Variants in MDGA2 observed in about 807,000 individuals in gnomAD.
MDGA2 encodes MAM domain-containing glycosylphosphatidylinositol anchor protein 2.
Under a neutral mutation model 117.8 loss-of-function variants are expected in MDGA2, and 40 were observed. That is an observed-to-expected ratio of 0.34 (90% CI 0.26 to 0.44). The LOEUF (loss-of-function observed/expected upper bound fraction) is 0.44, where lower values mean the gene tolerates loss of function less well. Ranked by LOEUF, MDGA2 falls within the 20% of genes least tolerant of loss-of-function variation. The probability of loss-of-function intolerance (pLI) is 1.00; values close to 1 mark genes in which losing one functional copy is unlikely to be tolerated. For missense variants in MDGA2, 1,123 were observed against 1,250.6 expected (o/e 0.90, Z 1.54); for synonymous variants, 452 against 439.0 (o/e 1.03, Z -0.37).
intron 8 of MDGA2, among the ~76,000 whole-genome samples, chr14:46,978,713 C>G (rs2138369048): frequency 6.6e-6 from 1 of 152,076 alleles, no homozygotes; most frequent in East Asian, 1.9e-4. Flanking sequence ...TGCATTTAGA[C>G]ACATTGAGAA....
At chr14:47,545,915 T>C (rs1452937744) in intron 1 of MDGA2, among the ~76,000 whole-genome samples, 1 of 152,106 alleles carries the variant, frequency 6.6e-6, no homozygotes, top group African/African-American at 2.4e-5. Flanking sequence ...TATGAACAGG[T>C]TGTATTTTAA....
At chr14:47,095,120 C>T (rs906620251) in intron 6 of MDGA2, among the ~76,000 whole-genome samples, 1 of 151,950 alleles carries the variant, frequency 6.6e-6, no homozygotes, top group Non-Finnish European at 1.5e-5. Flanking sequence ...GTCCTTAGCC[C>T]ATGGTAGTTG....
intron 1 of MDGA2, among the ~76,000 whole-genome samples, chr14:47,381,572 C>T (rs1891628714): frequency 2.0e-5 from 3 of 152,114 alleles, no homozygotes; most frequent in Admixed American, 2.0e-4. Flanking sequence ...CAATAACAGA[C>T]AAACAGAGAG....
In MDGA2 at chr14:47,243,704, G is replaced by A. The variant is rs891113403; in HGVS notation, c.421-25509C>T. Among the ~76,000 whole-genome samples the A allele has an allele frequency of 1.3e-4, 20 of 151,658 alleles. 1 individual carries two copies. Among genetic ancestry groups the A allele is most frequent in the Admixed American group, 1.3e-3 (20 of 15,234 alleles). On this transcript the variant is annotated intron_variant, in intron 2 of 16. Transcript: ENST00000399232. The stretch of plus-strand genomic sequence containing the variant: ...GAACAGATCTGAACATCAGAAGGGA[G>A]AGACTCCAGACGCGCCACCTTAAGA...
intron 8 of MDGA2, among the ~76,000 whole-genome samples, chr14:47,018,832 C>T (rs1459341549): frequency 8.0e-6 from 1 of 124,292 alleles, no homozygotes; most frequent in Non-Finnish European, 1.8e-5. Context: ...CACATCTATA[C>T]CTATTGATGC....
At chr14:47,418,652 TG>T in intron 1 of MDGA2, among the ~76,000 whole-genome samples, 1 of 152,122 alleles carries the variant, frequency 6.6e-6, no homozygotes, top group Non-Finnish European at 1.5e-5. Context: ...ATATAAATTT[TG>T]GGGGGACTCA....
intron 1 of MDGA2, among the ~76,000 whole-genome samples, chr14:47,479,450 T>C (rs1287911805): frequency 1.3e-5 from 2 of 152,066 alleles, no homozygotes; most frequent in Non-Finnish European, 2.9e-5. Context: ...ATGATGATGA[T>C]TTAAATAATA....
intron 8 of MDGA2, among the ~76,000 whole-genome samples, chr14:46,965,945 AAG>A (rs1886011527): frequency 6.6e-6 from 1 of 152,022 alleles, no homozygotes; most frequent in Non-Finnish European, 1.5e-5. Flanking sequence ...TTCTTAAGAA[AAG>A]TAGGTGCCTG....
chr14:46,928,825 C>T (rs1884429700), intron 9 of MDGA2, among the ~76,000 whole-genome samples: 1 of 151,986 alleles, frequency 6.6e-6, no homozygotes, highest in East Asian at 1.9e-4. Context: ...ATTACAAAAA[C>T]ATATCATAAT....
chr14:47,004,765 T>G (rs1007021273), intron 8 of MDGA2, among the ~76,000 whole-genome samples: 3 of 151,756 alleles, frequency 2.0e-5, no homozygotes, highest in African/African-American at 7.2e-5. Context: ...AGCAGTATTT[T>G]ATAGCTTTTA....
At chr14:46,883,685 T>C (rs1011006447) in intron 10 of MDGA2, among the ~76,000 whole-genome samples, 1 of 152,096 alleles carries the variant, frequency 6.6e-6, no homozygotes, top group African/African-American at 2.4e-5. Flanking sequence ...CACTTGAATG[T>C]CTTTTACAAG....
chr14:47,609,428 C>CATATATATATATATATGTATATATATAT (rs1896800765), intron 1 of MDGA2, among the ~76,000 whole-genome samples: 1 of 17,558 alleles, frequency 5.7e-5, no homozygotes, highest in African/African-American at 1.2e-4. Context: ...AGTATTCCAT[C>CATATATATATATATATGTATATATATAT]ATATATATAT....
chr14:47,295,534 A>AC (rs1555370923), intron 2 of MDGA2, among the ~76,000 whole-genome samples: 1 of 152,006 alleles, frequency 6.6e-6, no homozygotes, highest in Non-Finnish European at 1.5e-5. Flanking sequence ...CATAGGGTAG[A>AC]TAAAAAATGT....
At chr14:47,322,508 G>A (rs1023360187) in intron 1 of MDGA2, among the ~76,000 whole-genome samples, 1 of 152,124 alleles carries the variant, frequency 6.6e-6, no homozygotes, top group Admixed American at 6.6e-5. Flanking sequence ...CAAACAATCT[G>A]ACGAGGAGAT....
chr14:46,858,617 T>C (rs946239791), intron 14 of MDGA2, among the ~76,000 whole-genome samples: 1 of 151,782 alleles, frequency 6.6e-6, no homozygotes, highest in Admixed American at 6.6e-5. Flanking sequence ...TTAGTAGAGA[T>C]GGGGTTTCAC....
chr14:47,549,992 T>C (rs903479807), intron 1 of MDGA2, among the ~76,000 whole-genome samples: 4 of 152,238 alleles, frequency 2.6e-5, no homozygotes, highest in Non-Finnish European at 5.9e-5. Context: ...CAAACACAGC[T>C]ACTATCCCCA....
At chr14:46,872,125 T>A (rs2138359502) in intron 14 of MDGA2, among the ~76,000 whole-genome samples, 1 of 152,128 alleles carries the variant, frequency 6.6e-6, no homozygotes, top group Non-Finnish European at 1.5e-5. Context: ...TCACACAAAC[T>A]TCTTGAGGTT....
intron 1 of MDGA2, among the ~76,000 whole-genome samples, chr14:47,633,306 G>C (rs6572440): frequency 1 from 151,532 of 152,266 alleles, 75,406 homozygotes; most frequent in East Asian, 1. Context: ...GAGCCCATAA[G>C]AACACCAGTT....
At chr14:47,561,152 T>TTTTTTTTTTTTTTTTTG (rs770132333) in intron 1 of MDGA2, among the ~76,000 whole-genome samples, 1 of 86,002 alleles carries the variant, frequency 1.2e-5, no homozygotes, top group Non-Finnish European at 2.4e-5. Flanking sequence ...TTTTTTTTTT[T>TTTTTTTTTTTTTTTTTG]GTTTTGTTTT....
Sources: allele counts gnomAD v4.1 joint callset (sites outside exome capture counted in the v4.1 genomes callset), GRCh38; gene constraint gnomAD v4.1.1; transcripts MANE v1.5; gene names NCBI Gene and HGNC (gene_info 2026-07-23, HGNC 2026-07-21).